Variants in CTNNA3 observed in about 807,000 individuals in gnomAD.
CTNNA3 encodes catenin alpha-3.
A neutral mutation model predicts 95.7 loss-of-function variants in CTNNA3; 76 were observed. The ratio of observed to expected loss-of-function variants is 0.79; its 90% confidence interval spans 0.66 to 0.96. The LOEUF is 0.96. Among genes scored for constraint, CTNNA3 ranks in the 40% least tolerant of loss-of-function variants. CTNNA3 has a pLI of 0.00. For missense variants in CTNNA3, 1,191 were observed against 1,089.8 expected (o/e 1.09, Z -1.31); for synonymous variants, 431 against 374.4 (o/e 1.15, Z -1.74).
At chr10:66,122,983 C>T (rs1267038968) in intron 13 of CTNNA3, among the ~76,000 whole-genome samples, 2 of 152,126 alleles carry the variant, frequency 1.3e-5, no homozygotes, top group Non-Finnish European at 2.9e-5. Flanking sequence ...GGGGACACAG[C>T]CAAACCATAT....
At chr10:66,523,152 C>A (rs181010257) in intron 10 of CTNNA3, among the ~76,000 whole-genome samples, 7 of 152,218 alleles carry the variant, frequency 4.6e-5, no homozygotes, top group African/African-American at 1.7e-4. Flanking sequence ...AATGTACCTT[C>A]GTGTATACTG....
intron 3 of CTNNA3, among the ~76,000 whole-genome samples, chr10:67,598,760 A>G (rs1370519681): frequency 2.0e-5 from 3 of 152,150 alleles, no homozygotes; most frequent in African/African-American, 7.2e-5. Flanking sequence ...ACTCAAGTAG[A>G]AAGCTACCAT....
At chr10:67,636,334 G>C (rs943894151) in intron 2 of CTNNA3, among the ~76,000 whole-genome samples, 2 of 152,046 alleles carry the variant, frequency 1.3e-5, no homozygotes, top group Admixed American at 6.6e-5. Flanking sequence ...AAATGTATTT[G>C]GAACCAAAAA....
At chr10:66,287,960 T>C (rs972018512) in intron 12 of CTNNA3, among the ~76,000 whole-genome samples, 29 of 151,028 alleles carry the variant, frequency 1.9e-4, no homozygotes, top group African/African-American at 6.4e-4. Context: ...TGTGATATAT[T>C]TGAGAGCCAG....
At chr10:66,902,309 A>C (rs1358571268) in intron 7 of CTNNA3, among the ~76,000 whole-genome samples, 1 of 152,222 alleles carries the variant, frequency 6.6e-6, no homozygotes, top group African/African-American at 2.4e-5. Context: ...TGAAGGCAGA[A>C]ATAAAGATGT....
At chr10:66,543,911 G>GTGTA (rs1390415749) in intron 10 of CTNNA3, among the ~76,000 whole-genome samples, 11 of 16,214 alleles carry the variant, frequency 6.8e-4, no homozygotes, top group African/African-American at 1.5e-3. Flanking sequence ...GTGTGTGTGT[G>GTGTA]TATATATATA....
intron 5 of CTNNA3, among the ~76,000 whole-genome samples, chr10:67,353,605 A>C (rs1842712617): frequency 6.6e-6 from 1 of 151,994 alleles, no homozygotes; most frequent in Non-Finnish European, 1.5e-5. Flanking sequence ...CTGAGAAAAC[A>C]AGATATATAC....
At chr10:66,332,035 G>T (rs900008117) in intron 12 of CTNNA3, among the ~76,000 whole-genome samples, 6 of 151,864 alleles carry the variant, frequency 4.0e-5, no homozygotes, top group African/African-American at 1.2e-4. Context: ...CTCATGATTT[G>T]GCTCTCTGTT....
chr10:67,610,395 T>A (rs1280971902), intron 2 of CTNNA3, among the ~76,000 whole-genome samples: 1 of 152,250 alleles, frequency 6.6e-6, no homozygotes, highest in Non-Finnish European at 1.5e-5. Flanking sequence ...CGTCTTCTTT[T>A]AAAATACTCC....
At chr10:67,019,752 C>G in intron 7 of CTNNA3, among the ~76,000 whole-genome samples, 1 of 152,094 alleles carries the variant, frequency 6.6e-6, no homozygotes. Flanking sequence ...CCTTTGTCTC[C>G]ATGAATACCA....
intron 7 of CTNNA3, among the ~76,000 whole-genome samples, chr10:67,080,046 G>T (rs910848498): frequency 1.3e-5 from 2 of 152,154 alleles, no homozygotes; most frequent in Non-Finnish European, 2.9e-5. Context: ...CCTACAGCAT[G>T]CAGAATTTAA....
intron 11 of CTNNA3, among the ~76,000 whole-genome samples, chr10:66,402,227 T>G (rs2093026802): frequency 6.6e-6 from 1 of 152,188 alleles, no homozygotes; most frequent in Non-Finnish European, 1.5e-5. Flanking sequence ...GAGACTGTAC[T>G]GAATTAAATT....
At chr10:66,313,583 T>C (rs1260643163) in intron 12 of CTNNA3, among the ~76,000 whole-genome samples, 1 of 152,168 alleles carries the variant, frequency 6.6e-6, no homozygotes, top group Non-Finnish European at 1.5e-5. Flanking sequence ...TGTCATCCAC[T>C]CTGAGAGGCC....
At chr10:67,155,475 T>C (rs1037183841) in intron 7 of CTNNA3, among the ~76,000 whole-genome samples, 1 of 152,084 alleles carries the variant, frequency 6.6e-6, no homozygotes, top group Non-Finnish European at 1.5e-5. Context: ...GTTTCATTAA[T>C]GTATTATTTA....
intron 7 of CTNNA3, among the ~76,000 whole-genome samples, chr10:67,168,663 A>C (rs1327733648): frequency 3.3e-5 from 5 of 152,226 alleles, no homozygotes; most frequent in Admixed American, 3.3e-4. Context: ...TGACAAACCT[A>C]CAGCCAACAT....
At chr10:66,267,923 CTAAT>C (rs1225348180) in intron 13 of CTNNA3, among the ~76,000 whole-genome samples, 1 of 152,038 alleles carries the variant, frequency 6.6e-6, no homozygotes, top group African/African-American at 2.4e-5. Flanking sequence ...AAATATTTGA[CTAAT>C]TATACCTCTA....
chr10:66,215,157 A>C (rs1004638230), intron 13 of CTNNA3, among the ~76,000 whole-genome samples: 3 of 152,214 alleles, frequency 2.0e-5, no homozygotes, highest in Non-Finnish European at 2.9e-5. Context: ...ATGAGAGGTG[A>C]AAATATTCAA....
intron 5 of CTNNA3, among the ~76,000 whole-genome samples, chr10:67,407,995 C>T (rs1348785296): frequency 1.3e-5 from 2 of 151,622 alleles, no homozygotes; most frequent in South Asian, 2.1e-4. Context: ...TTCACAGTTG[C>T]CACAATGAGA....
At chr10:66,421,567 G>A (rs2093193314) in intron 11 of CTNNA3, among the ~76,000 whole-genome samples, 1 of 151,868 alleles carries the variant, frequency 6.6e-6, no homozygotes, top group African/African-American at 2.4e-5. Flanking sequence ...ATTTTAGGCT[G>A]GATGCAGTAG....
Sources: allele counts gnomAD v4.1 joint callset (sites outside exome capture counted in the v4.1 genomes callset), GRCh38; gene constraint gnomAD v4.1.1; transcripts MANE v1.5; gene names NCBI Gene and HGNC (gene_info 2026-07-23, HGNC 2026-07-21).